Variants in PTPN12 observed in about 807,000 individuals in gnomAD.
PTPN12 encodes protein tyrosine phosphatase non-receptor type 12, also known as tyrosine-protein phosphatase non-receptor type 12.
Under a neutral mutation model 97.6 loss-of-function variants are expected in PTPN12, and 29 were observed. The observed-to-expected ratio is 0.30, with a 90% CI of 0.22 to 0.41. The LOEUF (loss-of-function observed/expected upper bound fraction) is 0.41. PTPN12 is among the 10% of genes least tolerant of loss of function. The pLI is 1.00. For synonymous variants in PTPN12, 327 were observed against 300.4 expected (o/e 1.09, Z -0.91); for missense variants, 819 against 926.0 (o/e 0.88, Z 1.50).
chr7:77,600,847 G>A (rs1788167001), intron 8 of PTPN12, 41 bp downstream of exon 8: 1 of 1,482,612 alleles, frequency 6.7e-7, no homozygotes, highest in Non-Finnish European at 9.2e-7. Context: ...CATTATTTAA[G>A]TTTGATGTTA....
At chr7:77,603,922 A>C (rs1584176261) in intron 8 of PTPN12, among the ~76,000 whole-genome samples, 1 of 104,444 alleles carries the variant, frequency 9.6e-6, no homozygotes, top group African/African-American at 4.0e-5. Context: ...AGAGTCTTGC[A>C]CTGTCGCCCG....
At chr7:77,573,574 A>G (rs1787235689) in intron 2 of PTPN12, among the ~76,000 whole-genome samples, 1 of 152,230 alleles carries the variant, frequency 6.6e-6, no homozygotes, top group Admixed American at 6.5e-5. Flanking sequence ...AAATATTCAG[A>G]CCATAGCACC....
chr7:77,617,022 A>G (rs546755387), intron 11 of PTPN12, among the ~76,000 whole-genome samples: 1 of 152,214 alleles, frequency 6.6e-6, no homozygotes, highest in South Asian at 2.1e-4. Context: ...ACCTCAAGTG[A>G]TCCACCAGTC....
intron 8 of PTPN12, 88 bp from the exon 9 acceptor site, chr7:77,607,147 G>A (rs1788402458): frequency 9.5e-7 from 1 of 1,052,358 alleles, no homozygotes; most frequent in African/African-American, 1.6e-5. Context: ...ATGATTTTTT[G>A]TTTCTGAATA....
At chr7:77,613,701 A>C (rs926137783) in intron 11 of PTPN12, among the ~76,000 whole-genome samples, 1 of 151,894 alleles carries the variant, frequency 6.6e-6, no homozygotes, top group Non-Finnish European at 1.5e-5. Flanking sequence ...CCAAAAATAC[A>C]AAAAAGATTA....
rs765624152 is a variant in PTPN12, at chr7:77,610,939, C to A, written c.841-9C>A. ...CATTTTGTTTTTTAATCATTTTTCT[C>A]CTTCATAGGAGCAATATGAACTTGT... On this transcript the variant is annotated splice_polypyrimidine_tract_variant and intron_variant, in intron 10 of 17. Coordinates refer to ENST00000248594, the MANE Select transcript of PTPN12 (RefSeq NM_002835.4). The A allele has an allele frequency of 1.9e-6, 3 of 1,594,800 alleles. No individual in the cohort carries two copies. The highest frequency in any genetic ancestry group is 2.6e-6 in the Non-Finnish European group (3 of 1,172,588).
At chr7:77,616,033 C>G (rs766280954) in intron 11 of PTPN12, among the ~76,000 whole-genome samples, 27 of 152,176 alleles carry the variant, frequency 1.8e-4, no homozygotes, top group Non-Finnish European at 3.2e-4. Context: ...TTGGTTCTTC[C>G]TGTTAATGGC....
At chr7:77,614,811 A>G (rs1029567211) in intron 11 of PTPN12, among the ~76,000 whole-genome samples, 2 of 152,208 alleles carry the variant, frequency 1.3e-5, no homozygotes, top group Non-Finnish European at 2.9e-5. Context: ...TTTAGAAGCT[A>G]TGCTGTGAGA....
chr7:77,630,332 C>T (rs931588918), intron 13 of PTPN12, among the ~76,000 whole-genome samples: 1 of 152,108 alleles, frequency 6.6e-6, no homozygotes, highest in Admixed American at 6.5e-5. Flanking sequence ...GAATTACAGT[C>T]ACACATTTCT....
intron 2 of PTPN12, among the ~76,000 whole-genome samples, chr7:77,576,193 A>G (rs1787337017): frequency 6.6e-6 from 1 of 152,156 alleles, no homozygotes; most frequent in African/African-American, 2.4e-5. Flanking sequence ...ACGATGTAGC[A>G]TGCATCGATA....
At position 77,571,130 on chromosome 7, in the gene PTPN12, C is replaced by T. The variant is rs564768286; in HGVS notation, c.152C>T (p.Ala51Val). Reference protein sequence around the residue: ...KYRTEKIYPTATGEKEENVKK... With the variant: ...KYRTEKIYPTVTGEKEENVKK... ...AGAACAGAAAAGATATATCCCACAG[C>T]CACTGGAGAAAAAGAAGAAAATGTT... Residue 51 changes from alanine to valine, a missense_variant, in exon 2 of 18, where the codon GCC (alanine) becomes GTC (valine). Transcript: ENST00000248594. 1 of 1,603,520 alleles carries T rather than the reference C, an allele frequency of 6.2e-7. No individual in the cohort carries two copies. The highest frequency in any genetic ancestry group is 1.1e-5 in the South Asian group (1 of 89,544).
intron 14 of PTPN12, among the ~76,000 whole-genome samples, chr7:77,634,245 A>G (rs1166425188): frequency 6.6e-6 from 1 of 152,050 alleles, no homozygotes. Context: ...GGAGAAAGTG[A>G]TGATACTTTA....
chr7:77,604,980 T>G (rs1234416664), intron 8 of PTPN12: 1 of 273,036 alleles, frequency 3.7e-6, no homozygotes, highest in Non-Finnish European at 7.7e-6. Flanking sequence ...GAACTTTCTA[T>G]TGTGTTTCAT....
At chr7:77,602,745 A>G (rs1289446212) in intron 8 of PTPN12, among the ~76,000 whole-genome samples, 1 of 152,158 alleles carries the variant, frequency 6.6e-6, no homozygotes, top group African/African-American at 2.4e-5. Context: ...TTGAATCCTT[A>G]GACAGTTTTT....
At chr7:77,539,163 G>C (rs756809805) in intron 1 of PTPN12, among the ~76,000 whole-genome samples, 1 of 152,104 alleles carries the variant, frequency 6.6e-6, no homozygotes, top group Non-Finnish European at 1.5e-5. Flanking sequence ...TAAAGCTTTA[G>C]CGTTAAATTT....
intron 1 of PTPN12, among the ~76,000 whole-genome samples, chr7:77,558,759 A>C (rs1261209824): frequency 6.6e-6 from 1 of 152,200 alleles, no homozygotes; most frequent in Non-Finnish European, 1.5e-5. Flanking sequence ...CCAGTGGCTC[A>C]ATTGTGTAAT....
At chr7:77,582,126 G>A (rs1224753359) in intron 3 of PTPN12, among the ~76,000 whole-genome samples, 154 of 94,914 alleles carry the variant, frequency 1.6e-3, no homozygotes, top group African/African-American at 5.7e-3. Context: ...ACGGAGTCTC[G>A]CTCTGTCTCC....
chr7:77,629,772 T>A (rs757393308), intron 13 of PTPN12, among the ~76,000 whole-genome samples: 6 of 151,892 alleles, frequency 4.0e-5, no homozygotes, highest in Admixed American at 1.3e-4. Context: ...TGACACCCAA[T>A]CTCTACAAAA....
intron 11 of PTPN12, among the ~76,000 whole-genome samples, chr7:77,618,213 A>ACC: frequency 6.6e-6 from 1 of 151,700 alleles, no homozygotes; most frequent in Admixed American, 6.6e-5. Context: ...CTGTTTTTTT[A>ACC]CGGTAGCATT....
Sources: gnomAD v4.1 joint callset for allele counts (sites outside exome capture counted in the v4.1 genomes callset) on GRCh38, gnomAD v4.1.1 for gene constraint, MANE v1.5 for transcripts, NCBI Gene and HGNC (gene_info 2026-07-23, HGNC 2026-07-21) for gene names.